Variants in TRPM6 observed in about 807,000 individuals in gnomAD.
TRPM6 encodes transient receptor potential cation channel subfamily M member 6, also known as channel kinase 2.
A neutral mutation model predicts 247.6 loss-of-function variants in TRPM6; 111 were observed. That is an observed-to-expected ratio of 0.45 (90% confidence interval 0.38 to 0.52). The LOEUF (loss-of-function observed/expected upper bound fraction) is 0.52. TRPM6 is among the 20% of genes least tolerant of loss of function. The probability of loss-of-function intolerance (pLI) is 0.00; values close to 1 mark genes in which losing one functional copy is unlikely to be tolerated. For synonymous variants in TRPM6, 892 were observed against 853.8 expected (o/e 1.04, Z -0.78); for missense variants, 2,126 against 2,421.5 (o/e 0.88, Z 2.56).
intron 3 of TRPM6, among the ~76,000 whole-genome samples, chr9:74,848,230 T>C (rs957529030): frequency 5.9e-5 from 9 of 152,232 alleles, no homozygotes; most frequent in African/African-American, 1.9e-4. Context: ...GAAAGCACTT[T>C]ATGGCTCTTT....
chr9:74,841,942 T>C (rs984574507), intron 4 of TRPM6, among the ~76,000 whole-genome samples: 23 of 152,094 alleles, frequency 1.5e-4, no homozygotes, highest in Middle Eastern at 3.4e-3. Context: ...AGAAACCCCG[T>C]CTCTACTAAA....
In TRPM6 at chr9:74,762,468, A is replaced by C; in HGVS notation, c.4203T>G (p.Asp1401Glu). Residue 1401 changes from aspartate (D) to glutamate (E), a missense_variant, in exon 26 of 39, where the codon GAT becomes GAG. This residue lies in a region of TRPM6 where 717 missense variants were observed against 715.9 expected (regional missense o/e 1.00). Coordinates refer to ENST00000360774, the MANE Select transcript of TRPM6 (RefSeq NM_017662.5). ...TAGGCTCGTGCTTTTCCTTGGGTTCATCCACTGATGCCCAGTCAGAGACAA... is the reference window on the plus strand; with the variant it reads ...TAGGCTCGTGCTTTTCCTTGGGTTCCTCCACTGATGCCCAGTCAGAGACAA... ...TPVVSDWASV[D>E]EPKEKHEPIA... 1 of 1,614,150 alleles carries C rather than the reference A, an allele frequency of 6.2e-7. No individual in the cohort carries two copies. Among genetic ancestry groups the C allele is most frequent in the Non-Finnish European group, 8.5e-7 (1 of 1,180,028 alleles).
intron 6 of TRPM6, among the ~76,000 whole-genome samples, chr9:74,828,249 G>A (rs1193238496): frequency 6.6e-6 from 1 of 152,092 alleles, no homozygotes; most frequent in African/African-American, 2.4e-5. Flanking sequence ...CCAGCTACTT[G>A]GGAGGCTGAG....
At chr9:74,845,153 C>T (rs573460826) in intron 3 of TRPM6, among the ~76,000 whole-genome samples, 40 of 152,144 alleles carry the variant, frequency 2.6e-4, no homozygotes, top group East Asian at 2.1e-3. Flanking sequence ...TGAAATATTG[C>T]GAGAATTATT....
chr9:74,821,532 A>C (rs1196258438), intron 8 of TRPM6, 137 bp downstream of exon 8: 1 of 1,031,144 alleles, frequency 9.7e-7, no homozygotes, highest in Non-Finnish European at 1.5e-6. Flanking sequence ...CAACAAACAC[A>C]GTCACTGAGA....
intron 18 of TRPM6, among the ~76,000 whole-genome samples, chr9:74,794,495 A>T (rs1158384198): frequency 6.6e-6 from 1 of 152,228 alleles, no homozygotes; most frequent in African/African-American, 2.4e-5. Flanking sequence ...AATTCCTAGC[A>T]GGTTTGAACC....
chr9:74,877,077 C>T (rs1333641850), intron 1 of TRPM6, among the ~76,000 whole-genome samples: 2 of 151,906 alleles, frequency 1.3e-5, no homozygotes, highest in African/African-American at 4.8e-5. Context: ...TCAGACAATA[C>T]AAAAAATAGG....
rs1447526053 is a variant in TRPM6, at chr9:74,750,659, C to T, written c.5057+5G>A. The T allele has an allele frequency of 1.2e-6, 2 of 1,613,288 alleles. No individual in the cohort carries two copies. Among genetic ancestry groups the T allele is most frequent in the East Asian group, 2.2e-5 (1 of 44,846 alleles). ...TCTTAAACATAAACATTTAGAAATA[C>T]TCACAGGGAGTTCCTATTGAGGTTG... On this transcript the variant is annotated splice_donor_5th_base_variant and intron_variant, in intron 30 of 38. Coordinates refer to ENST00000360774, the MANE Select transcript of TRPM6 (RefSeq NM_017662.5).
In TRPM6 at chr9:74,827,780, C is replaced by A; in HGVS notation, c.839G>T (p.Cys280Phe). 1 of 1,614,052 alleles carries A rather than the reference C, an allele frequency of 6.2e-7. No homozygotes were observed. The highest frequency in any genetic ancestry group is 8.5e-7 in the Non-Finnish European group (1 of 1,180,008). ...EKYLSLQKIH[C>F]RSRQGVPVVG... Reference sequence around the variant, plus strand: ...GACTGAGCCCCTGTGATACTCACGGCAGTGTATTTTCTGCAGAGAGAGGTA... The same window carrying A: ...GACTGAGCCCCTGTGATACTCACGGAAGTGTATTTTCTGCAGAGAGAGGTA... The change falls in exon 7 of 39, where the codon TGC becomes TTC. Residue 280 changes from cysteine to phenylalanine, a missense_variant and splice_region_variant. Physicochemically the swap from Cys to Phe is radical, Grantham distance 205. Coordinates refer to ENST00000360774, the MANE Select transcript of TRPM6 (RefSeq NM_017662.5).
intron 37 of TRPM6, among the ~76,000 whole-genome samples, chr9:74,729,663 T>G (rs539480713): frequency 1.3e-5 from 2 of 152,214 alleles, no homozygotes; most frequent in Non-Finnish European, 2.9e-5. Context: ...AAGGAACCAC[T>G]TCAATAAGGT....
chr9:74,750,593 C>T (rs1452061168), intron 30 of TRPM6, 71 bp downstream of exon 30: 7 of 1,318,790 alleles, frequency 5.3e-6, no homozygotes, highest in Non-Finnish European at 6.6e-6. Context: ...CTAAATTAAA[C>T]CTTTGCTCCT....
At chr9:74,791,624 A>C (rs1827900398) in intron 19 of TRPM6, among the ~76,000 whole-genome samples, 1 of 152,236 alleles carries the variant, frequency 6.6e-6, no homozygotes, top group African/African-American at 2.4e-5. Flanking sequence ...TTGTTCACAC[A>C]GTTCAGCTTC....
intron 2 of TRPM6, 33 bp from the exon 3 acceptor site, chr9:74,855,598 G>T: frequency 6.9e-7 from 1 of 1,443,340 alleles, no homozygotes; most frequent in Non-Finnish European, 9.8e-7. Context: ...CTGTTAGTTT[G>T]TTGGTGTATC....
At chr9:74,878,278 C>T (rs1046378330) in intron 1 of TRPM6, among the ~76,000 whole-genome samples, 5 of 152,178 alleles carry the variant, frequency 3.3e-5, no homozygotes, top group African/African-American at 4.8e-5. Flanking sequence ...CCACCATTGC[C>T]ACTGACAGCA....
In TRPM6 at chr9:74,724,323, G is replaced by A. The variant is rs1035050482; in HGVS notation, c.*290C>T. On this transcript the variant is annotated 3_prime_UTR_variant, in exon 39 of 39. Transcript: ENST00000360774. ...AGGATTCTGCTCCAAAGTTCCAAGTGACCAGCTAAAGCAATGAGGTACACA... is the reference window on the plus strand; with the variant it reads ...AGGATTCTGCTCCAAAGTTCCAAGTAACCAGCTAAAGCAATGAGGTACACA... 1.1e-5 allele frequency: 5 copies of A among 463,360 alleles called. No homozygotes were observed. The highest frequency in any genetic ancestry group is 9.9e-5 in the African/African-American group (5 of 50,700). 28.7% of individuals were successfully genotyped at this position (463,360 alleles called of 1,614,324 possible). A position where few individuals can be genotyped will look rare whatever the true frequency, so the allele number is the denominator to read the frequency against.
intron 12 of TRPM6, 30 bp downstream of exon 12, chr9:74,812,269 G>C (rs952697540): frequency 1.2e-6 from 2 of 1,612,448 alleles, no homozygotes; most frequent in Non-Finnish European, 1.7e-6. Flanking sequence ...AATCTGGAGG[G>C]AAATGATTGA....
Position 74,802,059 on chromosome 9 carries a change from C to G in TRPM6, c.1848G>C (p.Val616=), listed in dbSNP as rs767365446. ...TAGCCATCTTCTGCCTTTTCATCAG[C>G]ACAGCCCAAACCAGCAGGTCATTGT... The part of the protein sequence containing the change: ...YPYNDLLVWA[V]LMKRQKMAMF... The change falls in exon 16 of 39, where the codon GTG becomes GTC. Residue 616 remains valine (V), a synonymous_variant. Transcript: ENST00000360774. 2 of 1,614,176 alleles carry G rather than the reference C, an allele frequency of 1.2e-6. No individual in the cohort carries two copies. The highest frequency in any genetic ancestry group is 1.7e-5 in the Admixed American group (1 of 60,026).
At chr9:74,759,863 C>T (rs1826561493) in intron 27 of TRPM6, among the ~76,000 whole-genome samples, 2 of 151,928 alleles carry the variant, frequency 1.3e-5, no homozygotes, top group South Asian at 4.2e-4. Context: ...AACATCTACT[C>T]AAAAAAGGAT....
chr9:74,819,989 T>C (rs1226029044), intron 9 of TRPM6, among the ~76,000 whole-genome samples: 1 of 152,144 alleles, frequency 6.6e-6, no homozygotes, highest in Non-Finnish European at 1.5e-5. Context: ...TTATTTTTTA[T>C]TATTTTAATT....
Sources: allele counts gnomAD v4.1 joint callset (sites outside exome capture counted in the v4.1 genomes callset), GRCh38; gene constraint gnomAD v4.1.1; regional missense constraint gnomAD v4.1.1; transcripts MANE v1.5; gene names NCBI Gene and HGNC (gene_info 2026-07-23, HGNC 2026-07-21).